PTK2: variants seen among roughly 807,000 people sequenced by gnomAD.
The protein encoded by PTK2 is protein tyrosine kinase 2.
Under a neutral mutation model 150.1 loss-of-function variants are expected in PTK2, and 45 were observed. That is an observed-to-expected ratio of 0.30 (90% CI 0.24 to 0.38). PTK2 has a LOEUF of 0.38. Ranked by LOEUF, PTK2 falls within the 10% of genes least tolerant of loss-of-function variation. The probability of loss-of-function intolerance (pLI) is 1.00; values close to 1 mark genes in which losing one functional copy is unlikely to be tolerated. For missense variants in PTK2, 919 were observed against 1,307.3 expected, an observed-to-expected ratio of 0.70 and a Z score of 4.58; for synonymous variants, 432 against 449.2, an observed-to-expected ratio of 0.96 and a Z score of 0.48.
intron 27 of PTK2, among the ~76,000 whole-genome samples, chr8:140,681,743 C>T (rs755591297): frequency 6.6e-6 from 1 of 152,198 alleles, no homozygotes; most frequent in Non-Finnish European, 1.5e-5. Context: ...CGCCACTGCA[C>T]TCCAGCCTGG....
rs114480265 is a variant in PTK2, at chr8:140,856,067, G to A, written c.450+8245C>T. 6.3e-3 allele frequency among the ~76,000 whole-genome samples: 953 copies of A among 152,240 alleles called. 14 individuals are homozygous for A. The highest frequency in any genetic ancestry group is 0.021 in the African/African-American group (876 of 41,540). On this transcript the variant is annotated intron_variant, in intron 5 of 31. Coordinates refer to ENST00000522684, the Ensembl canonical transcript of PTK2. ...CCTACTAACATTCAATATGCACATGGAAGAATAAACAACATAAACAATGAT... is the reference window on the plus strand; with the variant it reads ...CCTACTAACATTCAATATGCACATGAAAGAATAAACAACATAAACAATGAT...
chr8:140,890,417 C>T, intron 3 of PTK2, 126 bp downstream of exon 3: 6 of 719,274 alleles, frequency 8.3e-6, no homozygotes, highest in Non-Finnish European at 1.3e-5. Flanking sequence ...TTAAAAATAG[C>T]ATTTCTGTAA....
chr8:140,962,499 A>G (rs922403605), intron 1 of PTK2, among the ~76,000 whole-genome samples: 2 of 152,144 alleles, frequency 1.3e-5, no homozygotes, highest in African/African-American at 2.4e-5. Context: ...GGCCTCCTGT[A>G]TAGGACACAC....
At chr8:140,873,601 G>T (rs920942989) in intron 4 of PTK2, among the ~76,000 whole-genome samples, 6 of 152,158 alleles carry the variant, frequency 3.9e-5, no homozygotes, top group Non-Finnish European at 8.8e-5. Flanking sequence ...CAGTAGCTGG[G>T]ATTACAGACG....
intron 1 of PTK2, chr8:140,934,687 T>C (rs1025767215): frequency 6.6e-6 from 1 of 152,218 alleles, no homozygotes; most frequent in Non-Finnish European, 1.5e-5. Context: ...CTCCCCAATG[T>C]TCCTGCTAAA....
chr8:140,954,644 T>C (rs2100180619), intron 1 of PTK2: 1 of 152,196 alleles, frequency 6.6e-6, no homozygotes, highest in South Asian at 2.1e-4. Context: ...CTACCTTTTG[T>C]TTATTTCTAT....
At chr8:140,711,030 C>T (rs376074334) in intron 23 of PTK2, among the ~76,000 whole-genome samples, 58 of 151,534 alleles carry the variant, frequency 3.8e-4, no homozygotes, top group Middle Eastern at 3.4e-3. Context: ...CTCTGCCTCC[C>T]GAGTTTGAGT....
intron 2 of PTK2, among the ~76,000 whole-genome samples, chr8:140,908,411 G>C (rs972552108): frequency 2.6e-5 from 4 of 152,216 alleles, no homozygotes; most frequent in African/African-American, 9.7e-5. Context: ...TTGTCCAAAA[G>C]ATCTAGCTAA....
intron 1 of PTK2, among the ~76,000 whole-genome samples, chr8:140,990,823 G>T (rs1463481538): frequency 6.6e-6 from 1 of 152,010 alleles, no homozygotes; most frequent in Non-Finnish European, 1.5e-5. Flanking sequence ...TCAGATATTT[G>T]ATCTTTCCTG....
intron 14 of PTK2, among the ~76,000 whole-genome samples, chr8:140,774,035 C>A (rs889771435): frequency 6.6e-6 from 1 of 152,178 alleles, no homozygotes; most frequent in Non-Finnish European, 1.5e-5. Context: ...TGTGATTACG[C>A]TGGTTCAGAT....
intron 8 of PTK2, among the ~76,000 whole-genome samples, chr8:140,829,796 G>C (rs535660747): frequency 6.6e-6 from 1 of 152,220 alleles, no homozygotes; most frequent in East Asian, 1.9e-4. Flanking sequence ...TAAGAAACCA[G>C]GCCCAAGACC....
At chr8:140,964,846 A>G (rs551024593) in intron 1 of PTK2, among the ~76,000 whole-genome samples, 1 of 152,206 alleles carries the variant, frequency 6.6e-6, no homozygotes, top group East Asian at 1.9e-4. Context: ...AAATTCAAAG[A>G]CACTCAGACC....
intron 1 of PTK2, among the ~76,000 whole-genome samples, chr8:140,931,156 AC>A (rs1212961822): frequency 6.6e-6 from 1 of 152,146 alleles, no homozygotes; most frequent in East Asian, 1.9e-4. Flanking sequence ...TGAACCATAA[AC>A]ATCACCCCCC....
intron 1 of PTK2, among the ~76,000 whole-genome samples, chr8:140,972,066 T>G (rs2100187480): frequency 6.6e-6 from 1 of 152,280 alleles, no homozygotes; most frequent in African/African-American, 2.4e-5. Context: ...TTTTCAAAGA[T>G]AAAATATGTA....
rs369868047 is a variant in PTK2, at chr8:140,931,801, T to C, written c.-121-6052A>G. Among the ~76,000 whole-genome samples, 17 of 151,700 alleles carry C rather than the reference T, an allele frequency of 1.1e-4. No homozygotes were observed. The East Asian group carries it at 1.8e-3, about 16-fold the overall frequency. On this transcript the variant is annotated intron_variant, in intron 1 of 31. Coordinates refer to ENST00000522684, the Ensembl canonical transcript of PTK2. Reference sequence around the variant, plus strand: ...AAAATTTTAAAATAGCTGGTTGTGGTGGCACACACCTATAGTCCCAGCCTG... The same window carrying C: ...AAAATTTTAAAATAGCTGGTTGTGGCGGCACACACCTATAGTCCCAGCCTG...
chr8:140,700,238 G>A (rs951359193), intron 26 of PTK2, among the ~76,000 whole-genome samples: 4 of 152,150 alleles, frequency 2.6e-5, no homozygotes, highest in Admixed American at 1.3e-4. Context: ...AGAGGGCAGT[G>A]GCACAATCAT....
chr8:140,995,171 G>C (rs1224653962), intron 1 of PTK2, among the ~76,000 whole-genome samples: 1 of 151,460 alleles, frequency 6.6e-6, no homozygotes, highest in Non-Finnish European at 1.5e-5. Context: ...ACAAGATAAG[G>C]AGATCAAGAC....
chr8:140,975,847 ACCTTC>A (rs1319163511), intron 1 of PTK2, among the ~76,000 whole-genome samples: 1 of 152,170 alleles, frequency 6.6e-6, no homozygotes, highest in African/African-American at 2.4e-5. Flanking sequence ...TCAAGTCTAT[ACCTTC>A]AGGGCTTAAT....
intron 10 of PTK2, among the ~76,000 whole-genome samples, chr8:140,806,175 T>C (rs1326462270): frequency 6.6e-6 from 1 of 152,192 alleles, no homozygotes; most frequent in Admixed American, 6.5e-5. Flanking sequence ...AGAAACAAAG[T>C]CTGTTTAAAA....
Sources: gnomAD v4.1 joint callset for allele counts (sites outside exome capture counted in the v4.1 genomes callset) on GRCh38, gnomAD v4.1.1 for gene constraint, MANE v1.5 for transcripts, NCBI Gene and HGNC (gene_info 2026-07-23, HGNC 2026-07-21) for gene names.